The following BICRAL variants were observed in gnomAD, a reference collection of about 807,000 sequenced individuals.
BICRAL encodes the protein BICRA like chromatin remodeling complex associated protein.
In BICRAL, 8 loss-of-function variants were observed where a neutral mutation model predicts 91.8. The observed-to-expected ratio is 0.09, with a 90% CI of 0.05 to 0.16. The LOEUF (loss-of-function observed/expected upper bound fraction) is 0.16, where lower values mean the gene tolerates loss of function less well. Ranked by LOEUF, BICRAL falls within the 10% of genes least tolerant of loss-of-function variation. The probability of loss-of-function intolerance (pLI) is 1.00; values close to 1 mark genes in which losing one functional copy is unlikely to be tolerated. For missense variants in BICRAL, 1,038 were observed against 1,310.9 expected (o/e 0.79, Z 3.21); for synonymous variants, 445 against 491.1 (o/e 0.91, Z 1.24).
At position 42,855,905 on chromosome 6, in the gene BICRAL, C is replaced by T. The variant is rs565590149; in HGVS notation, c.2096C>T (p.Thr699Met). 4 of 1,613,176 alleles carry T rather than the reference C, an allele frequency of 2.5e-6. No homozygotes were observed. The highest frequency in any genetic ancestry group is 1.7e-5 in the Admixed American group (1 of 59,996). Residue 699 changes from threonine (T) to methionine (M), a missense_variant, in exon 9 of 13, where the codon ACG becomes ATG. Coordinates refer to ENST00000314073, the MANE Select transcript of BICRAL (RefSeq NM_001393499.1). ...AAAAGGCCTGCTGCGAAACAGCTAA[C>T]GAAAGGAGCTTTGTGAGTTACTCTC... Reference protein sequence around the residue: ...GQKRPAAKQLTKGAFILQQLQ... With the variant: ...GQKRPAAKQLMKGAFILQQLQ...
At chr6:42,813,271 T>G (rs1763889409) in intron 2 of BICRAL, among the ~76,000 whole-genome samples, 1 of 152,174 alleles carries the variant, frequency 6.6e-6, no homozygotes, top group Non-Finnish European at 1.5e-5. Flanking sequence ...TGAAGAGAAC[T>G]ACACCAAGGC....
intron 1 of BICRAL, among the ~76,000 whole-genome samples, chr6:42,773,415 G>A (rs935978695): frequency 2.6e-5 from 4 of 152,028 alleles, no homozygotes; most frequent in Non-Finnish European, 4.4e-5. Context: ...ACAAAGCATC[G>A]CCATGTTGCC....
In BICRAL at chr6:42,792,337, A is replaced by G. The variant is rs10456517; in HGVS notation, c.-102+10236A>G. ...AGGGTTGAAGTCCAGTGGCGTGATC[A>G]TAGCTGCAGCCTCCATCTCGTGGGT... is the stretch of plus-strand genomic sequence containing the variant. On this transcript the variant is annotated intron_variant, in intron 1 of 12. Coordinates refer to ENST00000314073, the MANE Select transcript of BICRAL (RefSeq NM_001393499.1). Among the ~76,000 whole-genome samples, 967 of 152,144 alleles carry G rather than the reference A, an allele frequency of 6.4e-3. 7 individuals carry two copies. The highest frequency in any genetic ancestry group is 9.8e-3 in the Non-Finnish European group (669 of 67,984).
chr6:42,801,912 C>T (rs892459217), intron 1 of BICRAL, among the ~76,000 whole-genome samples: 1 of 151,312 alleles, frequency 6.6e-6, no homozygotes, highest in African/African-American at 2.4e-5. Flanking sequence ...AAAATGTTCC[C>T]TAAAATAAAT....
chr6:42,756,189 C>T (rs1277854535), intron 1 of BICRAL, among the ~76,000 whole-genome samples: 1 of 152,104 alleles, frequency 6.6e-6, no homozygotes, highest in South Asian at 2.1e-4. Flanking sequence ...GCCACTTATC[C>T]GACTTCTGCC....
chr6:42,843,892 T>C (rs1764892792), intron 6 of BICRAL, among the ~76,000 whole-genome samples: 2 of 149,666 alleles, frequency 1.3e-5, no homozygotes, highest in East Asian at 4.0e-4. Flanking sequence ...TCCTTCTCCC[T>C]GGTTGAAGTG....
intron 6 of BICRAL, among the ~76,000 whole-genome samples, chr6:42,841,333 C>T (rs970153451): frequency 1.3e-5 from 2 of 151,518 alleles, no homozygotes; most frequent in Non-Finnish European, 2.9e-5. Flanking sequence ...GGACTACAGG[C>T]GTGCACCACC....
Position 42,829,993 on chromosome 6 carries a change from G to T in BICRAL, c.1660G>T (p.Gly554Trp), listed in dbSNP as rs1240916950. 2 of 1,614,056 alleles carry T rather than the reference G, an allele frequency of 1.2e-6. No homozygotes were observed. Among genetic ancestry groups the T allele is most frequent in the Non-Finnish European group, 1.7e-6 (2 of 1,180,042 alleles). ...AGCCAGCACTGCCCATCCTAGTCTT[G>T]GGTCTGCAGTTCAGTCTGGTTCATC... Reference protein sequence around the residue: ...SSASTAHPSLGSAVQSGSSGS... With the variant: ...SSASTAHPSLWSAVQSGSSGS... Residue 554 changes from glycine to tryptophan, a missense_variant, in exon 6 of 13, where the codon GGG becomes TGG. Coordinates refer to ENST00000314073, the MANE Select transcript of BICRAL (RefSeq NM_001393499.1).
intron 2 of BICRAL, among the ~76,000 whole-genome samples, chr6:42,814,519 A>ATATATTTTTTT (rs1237976324): frequency 5.0e-5 from 4 of 80,234 alleles, no homozygotes; most frequent in Non-Finnish European, 8.4e-5. Context: ...ATATATATAT[A>ATATATTTTTTT]TTTTTTTTTT....
chr6:42,868,070 CTTT>C lies in BICRAL; in HGVS notation c.*2639_*2641del, dbSNP rs58785533. ...TGTACTCAGTAACAAAAATCATTTT[CTTT>C]TTTTTTTTTTTTTTCTGTTGTGGAA... On this transcript the variant is annotated 3_prime_UTR_variant, in exon 13 of 13. Transcript: ENST00000314073. 2.1e-4 allele frequency: 26 copies of C among 124,092 alleles called. No homozygotes were observed. Among genetic ancestry groups the C allele is most frequent in the African/African-American group, 2.9e-4 (10 of 34,736 alleles). The allele number at this position is 124,092 out of a possible 1,614,324, so 7.7% of individuals were successfully genotyped here. A position where few individuals can be genotyped will look rare whatever the true frequency, so the allele number is the denominator to read the frequency against.
intron 1 of BICRAL, among the ~76,000 whole-genome samples, chr6:42,748,147 A>G (rs1271625582): frequency 7.3e-6 from 1 of 137,478 alleles, no homozygotes; most frequent in Non-Finnish European, 1.5e-5. Flanking sequence ...GGTTTATTTC[A>G]CAAAACTGTG....
At position 42,866,779 on chromosome 6, in the gene BICRAL, T is replaced by C. The variant is rs9394928; in HGVS notation, c.*1333T>C. The C allele has an allele frequency of 2.2e-6, 1 of 456,412 alleles. No homozygotes were observed. Among genetic ancestry groups the C allele is most frequent in the Non-Finnish European group, 4.4e-6 (1 of 226,764 alleles). 28.3% of individuals were successfully genotyped at this position (456,412 alleles called of 1,614,324 possible). On this transcript the variant is annotated 3_prime_UTR_variant, in exon 13 of 13. Transcript: ENST00000314073. ...TATTTTTATTTCTTGTCAGGGAGTA[T>C]TCTCCGTTTTCCTTTCTCGTATACC...
At chr6:42,855,086 T>G (rs949654558) in intron 8 of BICRAL, among the ~76,000 whole-genome samples, 2 of 152,208 alleles carry the variant, frequency 1.3e-5, no homozygotes, top group African/African-American at 2.4e-5. Context: ...GGTTCTGAGA[T>G]AAGGCCTATT....
chr6:42,750,765 T>A (rs1762364507), intron 1 of BICRAL, among the ~76,000 whole-genome samples: 1 of 151,330 alleles, frequency 6.6e-6, no homozygotes, highest in South Asian at 2.1e-4. Context: ...TTAGTACAGA[T>A]GGGGTTTCAC....
At chr6:42,858,030 T>A (rs906950618) in intron 10 of BICRAL, among the ~76,000 whole-genome samples, 6 of 148,822 alleles carry the variant, frequency 4.0e-5, no homozygotes, top group South Asian at 2.2e-4. Context: ...AGGCTGGTCT[T>A]GAACTCCTGA....
In BICRAL at chr6:42,794,961, C is replaced by CAA. The variant is rs34561323; in HGVS notation, c.-102+12871_-102+12872dup. Among the ~76,000 whole-genome samples, 134 of 139,070 alleles carry CAA rather than the reference C, an allele frequency of 9.6e-4. 2 individuals are homozygous for CAA. Among genetic ancestry groups the CAA allele is most frequent in the South Asian group, 6.8e-4 (3 of 4,394 alleles). The allele number at this position is 139,070 out of a possible 152,430, so 91.2% of individuals were successfully genotyped here. On this transcript the variant is annotated intron_variant, in intron 1 of 12. Coordinates refer to ENST00000314073, the MANE Select transcript of BICRAL (RefSeq NM_001393499.1). The stretch of plus-strand genomic sequence containing the variant: ...GGGCAACAAGAGCAAAACGCCATCT[C>CAA]AAAAAAAAAAAAGAAACTTACCATA...
At chr6:42,753,532 G>A (rs1331367793) in intron 1 of BICRAL, among the ~76,000 whole-genome samples, 1 of 152,150 alleles carries the variant, frequency 6.6e-6, no homozygotes, top group East Asian at 1.9e-4. Flanking sequence ...AAAAGCTGGA[G>A]GAAATGGTAC....
Position 42,853,720 on chromosome 6 carries a change from T to G in BICRAL, c.2028T>G (p.Pro676=). 1 of 1,610,992 alleles carries G rather than the reference T, an allele frequency of 6.2e-7. No individual in the cohort carries two copies. The highest frequency in any genetic ancestry group is 8.5e-7 in the Non-Finnish European group (1 of 1,177,034). The part of the protein sequence containing the change: ...PQQEKVVGSS[P]GHPAVQVESH... ...AGGAAAAAGTAGTTGGATCATCTCC[T>G]GGCCATCCAGCTGTGCAGGTAGAAA... The change falls in exon 8 of 13, where the codon CCT becomes CCG. Residue 676 remains proline, a synonymous_variant. Transcript: ENST00000314073.
intron 6 of BICRAL, among the ~76,000 whole-genome samples, chr6:42,833,338 G>C (rs893860262): frequency 6.6e-6 from 1 of 151,976 alleles, no homozygotes; most frequent in African/African-American, 2.4e-5. Flanking sequence ...GTGAGCCACC[G>C]CGCCCGGCCC....
Sources: allele counts gnomAD v4.1 joint callset (sites outside exome capture counted in the v4.1 genomes callset), GRCh38; gene constraint gnomAD v4.1.1; transcripts MANE v1.5; gene names NCBI Gene and HGNC (gene_info 2026-07-23, HGNC 2026-07-21).